The following DCHS2 variants were observed in gnomAD, a reference collection of about 807,000 sequenced individuals.
DCHS2 encodes dachsous cadherin-related 2.
In DCHS2, 142 loss-of-function variants were observed where a neutral mutation model predicts 182.4. The ratio of observed to expected loss-of-function variants is 0.78; its 90% CI spans 0.68 to 0.89. The LOEUF (loss-of-function observed/expected upper bound fraction) is 0.89, where lower values mean the gene tolerates loss of function less well. Among genes scored for constraint, DCHS2 ranks in the 40% least tolerant of loss-of-function variants. The pLI is 0.00. For synonymous variants in DCHS2, 1,740 were observed against 1,663.3 expected, an observed-to-expected ratio of 1.05 and a Z score of -1.12; for missense variants, 4,319 against 4,198.6, an observed-to-expected ratio of 1.03 and a Z score of -0.79.
At chr4:154,247,347 G>A (rs940044335) in intron 16 of DCHS2, among the ~76,000 whole-genome samples, 4 of 151,396 alleles carry the variant, frequency 2.6e-5, no homozygotes, top group East Asian at 1.9e-4. Flanking sequence ...GTGTGGTAGC[G>A]GGCGCCTGTA....
chr4:154,315,800 GT>G lies in DCHS2; in HGVS notation c.5207del (p.Asn1736ThrfsTer39). 6.2e-7 allele frequency: 1 copy of G among 1,613,970 alleles called. No individual in the cohort carries two copies. Among genetic ancestry groups the G allele is most frequent in the Non-Finnish European group, 8.5e-7 (1 of 1,179,950 alleles). On this transcript the variant is annotated frameshift_variant, in exon 10 of 20. Transcript: ENST00000357232. LOFTEE classifies it high-confidence loss of function. ...QHLYEASVKE[N>X]QNPGEFVTRV... is the part of the protein sequence containing the mutation. ...TGGTAACAAACTCCCCTGGATTTTG[GT>G]TTTCTTTCACTGAGGCTTCATACAG...
intron 10 of DCHS2, among the ~76,000 whole-genome samples, chr4:154,308,632 G>A (rs1228701470): frequency 2.0e-5 from 3 of 152,200 alleles, no homozygotes; most frequent in Admixed American, 2.0e-4. Context: ...GTAATGGAAA[G>A]TGTGATGGAA....
chr4:154,382,679 G>A (rs1731224483), intron 1 of DCHS2, among the ~76,000 whole-genome samples: 1 of 151,896 alleles, frequency 6.6e-6, no homozygotes, highest in African/African-American at 2.4e-5. Flanking sequence ...TTAAAAAGTG[G>A]GCAAAAGACA....
At chr4:154,391,888 T>G (rs1731724271) in intron 1 of DCHS2, among the ~76,000 whole-genome samples, 1 of 152,182 alleles carries the variant, frequency 6.6e-6, no homozygotes, top group Non-Finnish European at 1.5e-5. Context: ...AGAAGACCAT[T>G]GTGCAGAGTT....
chr4:154,304,514 ACTT>A (rs1447158094), intron 12 of DCHS2, among the ~76,000 whole-genome samples, 152 bp downstream of exon 12: 1 of 152,064 alleles, frequency 6.6e-6, no homozygotes, highest in African/African-American at 2.4e-5. Context: ...ATTTAAAAAT[ACTT>A]ACCAATTTGG....
intron 1 of DCHS2, among the ~76,000 whole-genome samples, chr4:154,399,645 T>TA (rs1397818428): frequency 6.6e-6 from 1 of 152,210 alleles, no homozygotes; most frequent in African/African-American, 2.4e-5. Context: ...GTTGCTATCT[T>TA]TAATATTTCA....
intron 3 of DCHS2, among the ~76,000 whole-genome samples, chr4:154,338,179 C>G (rs1433110198): frequency 6.6e-6 from 1 of 152,156 alleles, no homozygotes; most frequent in Non-Finnish European, 1.5e-5. Flanking sequence ...ACATGCCTTA[C>G]TTAATTACCG....
At chr4:154,384,463 A>C in intron 1 of DCHS2, 1 of 1,596,014 alleles carries the variant, frequency 6.3e-7, no homozygotes, top group Non-Finnish European at 8.5e-7. Context: ...TTCAATCCAC[A>C]CTGACTGCTT....
chr4:154,408,621 C>CA (rs1373887576), intron 1 of DCHS2, among the ~76,000 whole-genome samples: 4 of 151,960 alleles, frequency 2.6e-5, no homozygotes, highest in African/African-American at 7.3e-5. Flanking sequence ...ACAGCCAAAA[C>CA]AAAAAATAAA....
intron 12 of DCHS2, among the ~76,000 whole-genome samples, chr4:154,302,579 C>G (rs1202535627): frequency 1.3e-5 from 2 of 152,074 alleles, no homozygotes; most frequent in Non-Finnish European, 2.9e-5. Context: ...GGCATGGTGG[C>G]TTGGCAGGCA....
At chr4:154,374,084 C>T in intron 2 of DCHS2, 1 of 750,160 alleles carries the variant, frequency 1.3e-6, no homozygotes, top group Non-Finnish European at 2.1e-6. Flanking sequence ...GGATTAAAGT[C>T]AAAATTCCCA....
chr4:154,463,585 A>T (rs1483130938), intron 1 of DCHS2, among the ~76,000 whole-genome samples: 1 of 152,184 alleles, frequency 6.6e-6, no homozygotes, highest in Admixed American at 6.6e-5. Context: ...GGAGAACAGT[A>T]CTGAGCTATT....
At chr4:154,265,878 C>A (rs1370073268) in intron 14 of DCHS2, among the ~76,000 whole-genome samples, 1 of 151,964 alleles carries the variant, frequency 6.6e-6, no homozygotes, top group Admixed American at 6.5e-5. Flanking sequence ...ATTCTGAGAC[C>A]CCCCAGTGAA....
At position 154,333,207 on chromosome 4, in the gene DCHS2, C is replaced by T; in HGVS notation, c.3001G>A (p.Ala1001Thr). The change falls in exon 5 of 20, where the codon GCA becomes ACA. Residue 1001 changes from alanine to threonine, a missense_variant. By Grantham distance (58) the Ala-to-Thr change is moderately conservative. Transcript: ENST00000357232. Reference protein sequence around the residue: ...TTPPGTALYLARAEDRDSGRN... With the variant: ...TTPPGTALYLTRAEDRDSGRN... ...CCACTGTCTCTGTCTTCCGCACGTGCGAGGTACAAGGCTGTGCCAGGGGGC... is the reference window on the plus strand; with the variant it reads ...CCACTGTCTCTGTCTTCCGCACGTGTGAGGTACAAGGCTGTGCCAGGGGGC... The T allele has an allele frequency of 6.2e-7, 1 of 1,614,180 alleles. No individual in the cohort carries two copies. The highest frequency in any genetic ancestry group is 8.5e-7 in the Non-Finnish European group (1 of 1,180,044).
chr4:154,305,114 T>A lies in DCHS2; in HGVS notation c.5378A>T (p.Glu1793Val). The change falls in exon 11 of 20, where the codon GAA becomes GTA. Residue 1793 changes from glutamate (E) to valine (V), a missense_variant. Physicochemically the swap from Glu to Val is moderately radical, Grantham distance 121 (BLOSUM62 -2). Coordinates refer to ENST00000357232, the MANE Select transcript of DCHS2 (RefSeq NM_001358235.2). The part of the protein sequence containing the change: ...TTTILDREIQ[E>V]VFTLRVLVRD... ...TCCCTTACCTCGAAGGGTGAAGACT[T>A]CTTGAATTTCTCTGTCAAGTATGGT... is the stretch of plus-strand genomic sequence containing the variant. 1 of 1,610,534 alleles carries A rather than the reference T, an allele frequency of 6.2e-7. No individual in the cohort carries two copies.
intron 14 of DCHS2, among the ~76,000 whole-genome samples, chr4:154,263,244 G>A (rs1456291658): frequency 2.6e-5 from 4 of 151,978 alleles, no homozygotes; most frequent in African/African-American, 7.3e-5. Context: ...GTCAAAGGTA[G>A]CATAAAAGAT....
chr4:154,251,158 C>G (rs1732334982), intron 16 of DCHS2, among the ~76,000 whole-genome samples: 1 of 152,188 alleles, frequency 6.6e-6, no homozygotes, highest in Admixed American at 6.5e-5. Flanking sequence ...ATTGCTTTCT[C>G]CCAGTCATAA....
chr4:154,266,060 C>A (rs1278526970), intron 14 of DCHS2, among the ~76,000 whole-genome samples: 2 of 152,166 alleles, frequency 1.3e-5, no homozygotes, highest in Non-Finnish European at 2.9e-5. Context: ...GTCTCTCTTG[C>A]AAAATATCGT....
At chr4:154,461,416 C>T (rs1172050892) in intron 1 of DCHS2, among the ~76,000 whole-genome samples, 1 of 151,984 alleles carries the variant, frequency 6.6e-6, no homozygotes, top group African/African-American at 2.4e-5. Flanking sequence ...CTTTGTATCT[C>T]AGGACATATC....
Sources: allele counts gnomAD v4.1 joint callset (sites outside exome capture counted in the v4.1 genomes callset), GRCh38; gene constraint gnomAD v4.1.1; transcripts MANE v1.5; gene names NCBI Gene and HGNC (gene_info 2026-07-23, HGNC 2026-07-21).